ACY3: variants seen among roughly 807,000 people sequenced by gnomAD.
The protein encoded by ACY3 is N-acyl-aromatic-L-amino acid amidohydrolase (carboxylate-forming).
A neutral mutation model predicts 24.6 loss-of-function variants in ACY3; 20 were observed. That is an observed-to-expected ratio of 0.81 (90% confidence interval 0.57 to 1.18). The LOEUF is 1.18. Ranked by LOEUF, ACY3 falls within the 50% of genes most tolerant of loss-of-function variation. The pLI is 0.00. For missense variants in ACY3, 423 were observed against 426.8 expected (o/e 0.99, Z 0.08); for synonymous variants, 174 against 188.4 (o/e 0.92, Z 0.62).
Position 67,644,827 on chromosome 11 carries a change from A to G in ACY3, c.677T>C (p.Val226Ala). Residue 226 changes from valine (V) to alanine (A), a missense_variant, in exon 7 of 8, where the codon GTG (valine) becomes GCG (alanine). Physicochemically the swap from Val to Ala is moderately conservative, Grantham distance 64. Transcript: ENST00000255082. ...PAFEMEAYRP[V>A]GVVDFPRTEA... ...GGTGCGGGGGAAGTCCACGACGCCCACGGGTCTATAGGCTTCCATCTCAAA... is the reference window on the plus strand; with the variant it reads ...GGTGCGGGGGAAGTCCACGACGCCCGCGGGTCTATAGGCTTCCATCTCAAA... 1 of 1,584,116 alleles carries G rather than the reference A, an allele frequency of 6.3e-7. No homozygotes were observed. Among genetic ancestry groups the G allele is most frequent in the South Asian group, 1.1e-5 (1 of 87,960 alleles).
At position 67,649,523 on chromosome 11, in the gene ACY3, A is replaced by AGTGTGTGCGC. The variant is rs1271453788; in HGVS notation, c.-95+1050_-95+1059dup. 5.1e-3 allele frequency among the ~76,000 whole-genome samples: 772 copies of AGTGTGTGCGC among 149,970 alleles called. 11 individuals are homozygous for AGTGTGTGCGC. Among genetic ancestry groups the AGTGTGTGCGC allele is most frequent in the African/African-American group, 0.019 (745 of 39,322 alleles). On this transcript the variant is annotated intron_variant, in intron 1 of 7. Coordinates refer to ENST00000255082, the MANE Select transcript of ACY3 (RefSeq NM_080658.2). ...AGAAACAGCAGCCCCCAGTCCTGGC[A>AGTGTGTGCGC]GTGTGTGCGCGTGTGTGCATGTGTG...
intron 2 of ACY3, among the ~76,000 whole-genome samples, chr11:67,647,298 A>C (rs1296413926): frequency 5.9e-5 from 9 of 152,178 alleles, no homozygotes; most frequent in Non-Finnish European, 1.2e-4. Context: ...GAGGGGCCCA[A>C]CTGTTCAGGA....
chr11:67,645,964 G>T, intron 3 of ACY3, 77 bp from the exon 4 acceptor site: 2 of 1,419,880 alleles, frequency 1.4e-6, no homozygotes, highest in Non-Finnish European at 1.9e-6. Flanking sequence ...AAAGGGGCAG[G>T]GGCCCTGCAG....
rs760162579 is a variant in ACY3, at chr11:67,645,859, C to T, written c.265G>A (p.Glu89Lys). Residue 89 changes from glutamate to lysine, a missense_variant, in exon 4 of 8, where the codon GAG becomes AAG. Coordinates refer to ENST00000255082, the MANE Select transcript of ACY3 (RefSeq NM_080658.2). ...NSRPTPDDPY[E>K]VTRARELNQL... is the part of the protein sequence containing the mutation. ...TTCAGCTCTCGGGCTCTTGTCACCT[C>T]ATATGGGTCGTCCGGGGTGGGCCTG... 1.2e-6 allele frequency: 2 copies of T among 1,610,128 alleles called. No individual in the cohort carries two copies. The highest frequency in any genetic ancestry group is 2.2e-5 in the East Asian group (1 of 44,816).
chr11:67,649,902 G>A (rs1871040), intron 1 of ACY3, among the ~76,000 whole-genome samples: 8,091 of 151,156 alleles, frequency 0.054, 719 homozygotes, highest in African/African-American at 0.19. Context: ...GCTTGAGAGC[G>A]TGTGTGCGTG....
intron 1 of ACY3, among the ~76,000 whole-genome samples, chr11:67,649,338 G>A (rs1282607506): frequency 1.3e-5 from 2 of 152,182 alleles, no homozygotes; most frequent in Non-Finnish European, 2.9e-5. Flanking sequence ...TATTTTGGGG[G>A]CTGCTGGGGG....
chr11:67,644,225 A>T (rs958532352), intron 7 of ACY3, among the ~76,000 whole-genome samples: 4 of 151,532 alleles, frequency 2.6e-5, no homozygotes, highest in Admixed American at 1.3e-4. Context: ...TTCAACAATG[A>T]CCCCCTGTGG....
Position 67,642,837 on chromosome 11 carries a change from T to C in ACY3, c.847A>G (p.Ile283Val). The change falls in exon 8 of 8, where the codon ATT becomes GTT. Residue 283 changes from isoleucine (I) to valine (V), a missense_variant. Physicochemically the swap from Ile to Val is conservative, Grantham distance 29. Coordinates refer to ENST00000255082, the MANE Select transcript of ACY3 (RefSeq NM_080658.2). ...TTCTCATAGTAGGCAGCCTCGTTAATGAACACGGGGTACACCGTGGACTCT... is the reference window on the plus strand; with the variant it reads ...TTCTCATAGTAGGCAGCCTCGTTAACGAACACGGGGTACACCGTGGACTCT... ...EGESTVYPVF[I>V]NEAAYYEKGV... 1 of 1,614,130 alleles carries C rather than the reference T, an allele frequency of 6.2e-7. No individual in the cohort carries two copies. The highest frequency in any genetic ancestry group is 8.5e-7 in the Non-Finnish European group (1 of 1,180,038).
chr11:67,644,444 G>C (rs1855468441), intron 7 of ACY3, among the ~76,000 whole-genome samples: 1 of 152,216 alleles, frequency 6.6e-6, no homozygotes, highest in Non-Finnish European at 1.5e-5. Context: ...AGTCATGCCT[G>C]CTCCATGTCC....
rs1010230119 is a variant in ACY3, at chr11:67,646,747, G to A, written c.236+61C>T. 12 of 1,531,440 alleles carry A rather than the reference G, an allele frequency of 7.8e-6. No homozygotes were observed. The African/African-American group carries it at 1.2e-4, about 16-fold the overall frequency. The allele number at this position is 1,531,440 out of a possible 1,614,324, so 94.9% of individuals were successfully genotyped here. A position where few individuals can be genotyped will look rare whatever the true frequency, so the allele number is the denominator to read the frequency against. ...GGGCCCTGCTGGTGGCGGGAGGGAAGTTTTGTGGTGGGGACTCGGTGCCCA... is the reference window on the plus strand; with the variant it reads ...GGGCCCTGCTGGTGGCGGGAGGGAAATTTTGTGGTGGGGACTCGGTGCCCA... On this transcript the variant is annotated intron_variant, in intron 3 of 7. Transcript: ENST00000255082.
intron 7 of ACY3, 32 bp downstream of exon 7, chr11:67,644,728 C>CCCA: frequency 9.2e-6 from 13 of 1,405,810 alleles, no homozygotes; most frequent in South Asian, 1.3e-5. Context: ...GAAATCACCC[C>CCCA]CCACCACACA....
chr11:67,645,262 C>T (rs772979621), intron 5 of ACY3, 25 bp downstream of exon 5: 1 of 1,612,964 alleles, frequency 6.2e-7, no homozygotes, highest in East Asian at 2.2e-5. Context: ...TGGCCCCGCC[C>T]ACTTCTCAGA....
rs564277406 is a variant in ACY3 at position 67,643,848 on chromosome 11, G to C, written c.745-909C>G. Among the ~76,000 whole-genome samples, 3 of 149,312 alleles carry C rather than the reference G, an allele frequency of 2.0e-5. No individual in the cohort carries two copies. In the South Asian group the frequency reaches 6.4e-4, roughly 32 times the overall value. ...TGTCTGTACTAAAAAGACAAAAATT[G>C]GCTGGGTGTGGTGGTGAGTGCCTAT... On this transcript the variant is annotated intron_variant, in intron 7 of 7. Coordinates refer to ENST00000255082, the MANE Select transcript of ACY3 (RefSeq NM_080658.2).
At position 67,648,648 on chromosome 11, in the gene ACY3, C is replaced by T. The variant is rs923269300; in HGVS notation, c.-94-1059G>A. 8.5e-5 allele frequency among the ~76,000 whole-genome samples: 13 copies of T among 152,288 alleles called. No individual in the cohort carries two copies. In the South Asian group the frequency reaches 1.9e-3, roughly 22 times the overall value. On this transcript the variant is annotated intron_variant, in intron 1 of 7. Coordinates refer to ENST00000255082, the MANE Select transcript of ACY3 (RefSeq NM_080658.2). ...CTCCCCGGGCCAGTCCAGCCCTGCT[C>T]CAGATGCCAGGCCCACCAGCCTGGG...
At chr11:67,649,855 T>C (rs2361143) in intron 1 of ACY3, among the ~76,000 whole-genome samples, 9,868 of 150,034 alleles carry the variant, frequency 0.066, 1,079 homozygotes, top group African/African-American at 0.23. Flanking sequence ...CGTGTGTGCA[T>C]GAGAGTGTGT....
chr11:67,644,820 G>T lies in ACY3; in HGVS notation c.684C>A (p.Val228=). ...CGGCCTCGGTGCGGGGGAAGTCCAC[G>T]ACGCCCACGGGTCTATAGGCTTCCA... ...FEMEAYRPVG[V]VDFPRTEAGH... is the part of the protein sequence containing the mutation. The change falls in exon 7 of 8, where the codon GTC becomes GTA. Residue 228 remains valine, a synonymous_variant. Transcript: ENST00000255082. The T allele has an allele frequency of 6.3e-7, 1 of 1,577,778 alleles. No homozygotes were observed. Among genetic ancestry groups the T allele is most frequent in the Non-Finnish European group, 8.6e-7 (1 of 1,162,080 alleles).
chr11:67,648,579 C>A (rs1246068299), intron 1 of ACY3, among the ~76,000 whole-genome samples: 1 of 152,124 alleles, frequency 6.6e-6, no homozygotes, highest in Non-Finnish European at 1.5e-5. Flanking sequence ...GCTGGAGCCT[C>A]CCCCAGGCAT....
intron 2 of ACY3, among the ~76,000 whole-genome samples, 157 bp from the exon 3 acceptor site, chr11:67,647,220 C>T (rs1031663812): frequency 3.3e-5 from 5 of 152,172 alleles, no homozygotes; most frequent in Non-Finnish European, 5.9e-5. Flanking sequence ...CCCCAGTGGC[C>T]CTTTCTCTGA....
chr11:67,648,639 A>G (rs1855560270), intron 1 of ACY3, among the ~76,000 whole-genome samples: 1 of 152,112 alleles, frequency 6.6e-6, no homozygotes, highest in Non-Finnish European at 1.5e-5. Context: ...GGGCCAGTCC[A>G]GCCCTGCTCC....
Sources: gnomAD v4.1 joint callset for allele counts (sites outside exome capture counted in the v4.1 genomes callset) on GRCh38, gnomAD v4.1.1 for gene constraint, MANE v1.5 for transcripts, NCBI Gene and HGNC (gene_info 2026-07-23, HGNC 2026-07-21) for gene names.